The following ARL10 variants were observed in gnomAD, a reference collection of about 807,000 sequenced individuals.
ARL10 encodes the protein ADP-ribosylation factor-like protein 10.
Under a neutral mutation model 26.1 loss-of-function variants are expected in ARL10, and 23 were observed. That is an observed-to-expected ratio of 0.88 (90% confidence interval 0.63 to 1.25). ARL10 has a LOEUF of 1.25. ARL10 is among the 50% of genes most tolerant of loss of function. The pLI, the probability that ARL10 is intolerant of heterozygous loss-of-function variation, is 0.00. For synonymous variants in ARL10, 138 were observed against 149.1 expected (o/e 0.93, Z 0.54); for missense variants, 300 against 323.6 (o/e 0.93, Z 0.56).
Position 176,368,916 on chromosome 5 carries a change from A to T in ARL10, c.495A>T (p.Arg165=), listed in dbSNP as rs756761242. ...ACCGACTGCGGCTGCCCTGGGCCCG[A>T]CAGGAGCTGCACAAGCTGCTGGACA... ...SADRLRLPWA[R]QELHKLLDKD... is the part of the protein sequence containing the mutation. Residue 165 remains arginine (R), a synonymous_variant, in exon 3 of 4, where the codon CGA becomes CGT. Transcript: ENST00000310389. This position sits in a 1 kb window ranked among gnomAD's most constrained non-coding sequence, Gnocchi z 4.1. 3.1e-6 allele frequency: 5 copies of T among 1,614,046 alleles called. No homozygotes were observed. The highest frequency in any genetic ancestry group is 3.4e-6 in the Non-Finnish European group (4 of 1,180,012).
chr5:176,369,676 C>T (rs2113549167), intron 3 of ARL10, among the ~76,000 whole-genome samples: 1 of 152,168 alleles, frequency 6.6e-6, no homozygotes, highest in Admixed American at 6.5e-5. Context: ...TAGAATTGGT[C>T]CAGGCGTGGT....
chr5:176,388,185 G>A (rs1198102240), intron 1 of ARL10: 2 of 1,369,022 alleles, frequency 1.5e-6, no homozygotes, highest in South Asian at 1.2e-5. Context: ...GGTCAGTATG[G>A]CGGGGGAAGA....
downstream of ARL10, chr5:176,406,513 A>G: frequency 1.6e-6 from 2 of 1,239,884 alleles, no homozygotes; most frequent in Non-Finnish European, 2.1e-6. Flanking sequence ...TCCTCTAAGA[A>G]GCTAAAAGGA....
chr5:176,409,406 CTTT>C, the ARL10 span, among the ~76,000 whole-genome samples: 355 of 79,630 alleles, frequency 4.5e-3, 2 homozygotes, highest in African/African-American at 0.018. Context: ...TCTGATTGCC[CTTT>C]TTTTTTTTTT....
chr5:176,384,133 C>T (rs1755638985), downstream of ARL10: 1 of 1,612,382 alleles, frequency 6.2e-7, no homozygotes, highest in Non-Finnish European at 8.5e-7. Flanking sequence ...CTGGCCAGCT[C>T]CTCTGGAGCC....
Position 176,365,747 on chromosome 5 carries a change from G to C in ARL10, c.183+1G>C, listed in dbSNP as rs374648151. ...CCTCCCCGAGTGGGACGAGTGGGAC[G>C]TGAGTGCCGGGCCGAGGCCTGCGGA... is the stretch of plus-strand genomic sequence containing the variant. On this transcript the variant is annotated splice_donor_variant, in intron 1 of 3. Coordinates refer to ENST00000310389, the MANE Select transcript of ARL10 (RefSeq NM_173664.6). LOFTEE classifies it high-confidence loss of function. 35 of 1,235,716 alleles carry C rather than the reference G, an allele frequency of 2.8e-5. No individual in the cohort carries two copies. The East Asian group carries it at 3.2e-4, about 11-fold the overall frequency. 76.5% of individuals were successfully genotyped at this position (1,235,716 alleles called of 1,614,324 possible). A position where few individuals can be genotyped will look rare whatever the true frequency, so the allele number is the denominator to read the frequency against.
intron 1 of ARL10, chr5:176,398,039 G>T: frequency 1.2e-6 from 2 of 1,613,824 alleles, no homozygotes; most frequent in Non-Finnish European, 1.7e-6. Context: ...CAGCAGGACC[G>T]TTGGCCTCCT....
At chr5:176,383,854 G>A (rs1755617287), downstream of ARL10, 7 of 878,440 alleles carry the variant, frequency 8.0e-6, no homozygotes, top group Non-Finnish European at 1.2e-5. Context: ...GCTGACAGGC[G>A]GGATGGCCTC....
chr5:176,366,052 C>T (rs1768284836), intron 1 of ARL10, among the ~76,000 whole-genome samples: 1 of 152,154 alleles, frequency 6.6e-6, no homozygotes. Flanking sequence ...ATCCCGGGGC[C>T]CAGCCGGGTC....
At chr5:176,387,823 C>T (rs1756005138) in intron 1 of ARL10, among the ~76,000 whole-genome samples, 1 of 152,110 alleles carries the variant, frequency 6.6e-6, no homozygotes, top group Non-Finnish European at 1.5e-5. Flanking sequence ...ATAGCTTGAA[C>T]CCGGGAAGGA....
chr5:176,410,182 TACA>T, the ARL10 span: 9 of 1,302,142 alleles, frequency 6.9e-6, no homozygotes, highest in African/African-American at 2.9e-5. Flanking sequence ...GCTGTAAGCC[TACA>T]ACAATGAGGC....
rs372502997 is a variant in ARL10 at position 176,366,434 on chromosome 5, G to T, written c.238G>T (p.Val80Leu). ...GCTGGAGGAGCTGGAACAGCGCGAG[G>T]TGCTGGTGCTGGGGCTGGATGGCGC... Reference protein sequence around the residue: ...PALEELEQREVLVLGLDGAGK... With the variant: ...PALEELEQRELLVLGLDGAGK... Residue 80 changes from valine (V) to leucine (L), a missense_variant, in exon 2 of 4, where the codon GTG (valine) becomes TTG (leucine). Physicochemically the swap from Val to Leu is conservative, Grantham distance 32. Coordinates refer to ENST00000310389, the MANE Select transcript of ARL10 (RefSeq NM_173664.6). The T allele has an allele frequency of 6.2e-7, 1 of 1,613,188 alleles. No individual in the cohort carries two copies. The highest frequency in any genetic ancestry group is 1.1e-5 in the South Asian group (1 of 91,038).
the ARL10 span, among the ~76,000 whole-genome samples, chr5:176,408,308 T>C: frequency 6.8e-6 from 1 of 147,146 alleles, no homozygotes; most frequent in Non-Finnish European, 1.5e-5. Context: ...CCGAGGTGGG[T>C]GGATCACTTG....
exon 2 of ARL10, chr5:176,388,582 T>C (rs1756089825): frequency 6.5e-7 from 1 of 1,549,648 alleles, no homozygotes; most frequent in Non-Finnish European, 8.9e-7. Context: ...GCTGCCTCTG[T>C]CTCTCAGACC....
At chr5:176,400,970 A>G (rs913319479) in intron 1 of ARL10, among the ~76,000 whole-genome samples, 3 of 152,152 alleles carry the variant, frequency 2.0e-5, no homozygotes, top group African/African-American at 7.2e-5. Flanking sequence ...AGGGAAGGGC[A>G]GGCCAGGGCA....
At chr5:176,388,613 G>A (rs1183486519) in exon 2 of ARL10, 3 of 1,444,470 alleles carry the variant, frequency 2.1e-6, no homozygotes, top group South Asian at 1.2e-5. Context: ...AACTCCTTCC[G>A]GAAGGCGTGC....
downstream of ARL10, among the ~76,000 whole-genome samples, chr5:176,403,025 G>A (rs893894437): frequency 1.4e-4 from 22 of 151,776 alleles, no homozygotes; most frequent in Non-Finnish European, 2.1e-4. Flanking sequence ...TTCAGGGCCC[G>A]CCATCTCCAT....
chr5:176,371,291 C>T (rs895658642), intron 3 of ARL10, among the ~76,000 whole-genome samples: 4 of 152,200 alleles, frequency 2.6e-5, no homozygotes, highest in African/African-American at 9.7e-5. Context: ...AGGAGAATCG[C>T]TTCAGGATTC....
chr5:176,400,380 G>C (rs1756760148), intron 1 of ARL10, among the ~76,000 whole-genome samples: 1 of 152,142 alleles, frequency 6.6e-6, no homozygotes, highest in Non-Finnish European at 1.5e-5. Flanking sequence ...CATTTTACAA[G>C]GGAGGAAACT....
Sources: gnomAD v4.1 joint callset for allele counts (sites outside exome capture counted in the v4.1 genomes callset) on GRCh38, gnomAD v4.1.1 for gene constraint, Gnocchi (gnomAD v3.1) non-coding constraint, MANE v1.5 for transcripts, NCBI Gene and HGNC (gene_info 2026-07-23, HGNC 2026-07-21) for gene names.